Variants in STK24 observed in about 807,000 individuals in gnomAD.
STK24 encodes serine/threonine kinase 24, also known as serine/threonine-protein kinase 24.
In STK24, 21 loss-of-function variants were observed where a neutral mutation model predicts 55.6. The observed-to-expected ratio is 0.38, with a 90% CI of 0.27 to 0.54. The LOEUF is 0.54. Ranked by LOEUF, STK24 falls within the 20% of genes least tolerant of loss-of-function variation. STK24 has a pLI of 0.79. For missense variants in STK24, 383 were observed against 538.4 expected (o/e 0.71, Z 2.86); for synonymous variants, 200 against 215.2 (o/e 0.93, Z 0.62).
intron 2 of STK24, among the ~76,000 whole-genome samples, chr13:98,487,390 G>A (rs371595761): frequency 3.2e-4 from 49 of 152,236 alleles, no homozygotes; most frequent in African/African-American, 1.2e-3. Context: ...TTTCTCATCA[G>A]GGAAATAAAA....
At chr13:98,527,046 A>C (rs1024134808) in intron 1 of STK24, among the ~76,000 whole-genome samples, 3 of 152,250 alleles carry the variant, frequency 2.0e-5, no homozygotes, top group African/African-American at 7.2e-5. Context: ...ACTCGGAAGT[A>C]GAAATTTGTT....
At position 98,573,612 on chromosome 13, in the gene STK24, T is replaced by C. The variant is rs143354407; in HGVS notation, c.42+3133A>G. Among the ~76,000 whole-genome samples, 358 of 152,358 alleles carry C rather than the reference T, an allele frequency of 2.3e-3. 3 individuals carry two copies. The highest frequency in any genetic ancestry group is 8.2e-3 in the African/African-American group (341 of 41,584). On this transcript the variant is annotated intron_variant, in intron 1 of 10. Transcript: ENST00000539966. ...AACCCCTCCCCTAGGACCTGGCACATGAAAGTTCAATAAGGGTTGCTGATT... is the reference window on the plus strand; with the variant it reads ...AACCCCTCCCCTAGGACCTGGCACACGAAAGTTCAATAAGGGTTGCTGATT...
intron 1 of STK24, among the ~76,000 whole-genome samples, chr13:98,538,771 C>T (rs1221986727): frequency 2.0e-5 from 3 of 152,158 alleles, no homozygotes; most frequent in African/African-American, 7.2e-5. Context: ...GCCCACCTGC[C>T]GCCTGACCTC....
At chr13:98,471,809 C>T (rs963793234) in intron 5 of STK24, among the ~76,000 whole-genome samples, 56 of 152,310 alleles carry the variant, frequency 3.7e-4, no homozygotes, top group African/African-American at 1.3e-3. Flanking sequence ...CTTCTCCCAA[C>T]CCACCCTTCC....
intron 2 of STK24, among the ~76,000 whole-genome samples, chr13:98,515,100 T>TG (rs559801714): frequency 0.024 from 2,097 of 87,550 alleles, 63 homozygotes; most frequent in African/African-American, 0.085. Context: ...ACAAACCCCC[T>TG]GAAAAAAAAA....
rs1471231082 is a variant in STK24, at chr13:98,450,958, G to C, written c.*2215C>G. 6.6e-6 allele frequency: 1 copy of C among 152,228 alleles called. No individual in the cohort carries two copies. Among genetic ancestry groups the C allele is most frequent in the Non-Finnish European group, 1.5e-5 (1 of 68,086 alleles). 9.4% of individuals were successfully genotyped at this position (152,228 alleles called of 1,614,324 possible). A position where few individuals can be genotyped will look rare whatever the true frequency, so the allele number is the denominator to read the frequency against. On this transcript the variant is annotated 3_prime_UTR_variant, in exon 11 of 11. Transcript: ENST00000539966. ...AACCCCACCTCCCCCGACAGGAAAT[G>C]CTGCCAGTCAACTCTAAAAGAACCA... is the stretch of plus-strand genomic sequence containing the variant.
chr13:98,469,096 T>G (rs970595477), intron 5 of STK24, among the ~76,000 whole-genome samples: 21 of 152,178 alleles, frequency 1.4e-4, no homozygotes, highest in African/African-American at 5.1e-4. Flanking sequence ...GGACAGATAA[T>G]AAGCAGGCGG....
In STK24 at chr13:98,546,503, G is replaced by A. The variant is rs185955916; in HGVS notation, c.43-27030C>T. On this transcript the variant is annotated intron_variant, in intron 1 of 10. Coordinates refer to ENST00000539966, the MANE Select transcript of STK24 (RefSeq NM_001032296.4). ...GACCAGATTTTGCCAAGAATATGGT[G>A]AACAGGGACTTCCTTCAGTCCCCTG... is the stretch of plus-strand genomic sequence containing the variant. Among the ~76,000 whole-genome samples the A allele has an allele frequency of 7.9e-5, 12 of 152,288 alleles. No homozygotes were observed. The East Asian group carries it at 9.6e-4, about 12-fold the overall frequency.
intron 2 of STK24, among the ~76,000 whole-genome samples, chr13:98,494,286 T>TG (rs1350723991): frequency 6.8e-6 from 1 of 147,700 alleles, no homozygotes; most frequent in Non-Finnish European, 1.5e-5. Context: ...GGCGGGCACC[T>TG]GTAGTCCCAG....
chr13:98,540,416 C>G (rs1212480406), intron 1 of STK24, among the ~76,000 whole-genome samples: 2 of 152,140 alleles, frequency 1.3e-5, no homozygotes, highest in East Asian at 1.9e-4. Context: ...AGACTTCTGT[C>G]TCTCACAAAT....
chr13:98,499,990 G>C (rs1406051598), intron 2 of STK24, among the ~76,000 whole-genome samples: 3 of 152,188 alleles, frequency 2.0e-5, no homozygotes, highest in African/African-American at 7.2e-5. Context: ...ACCTACTGCA[G>C]GGTTCAGCTC....
chr13:98,566,694 C>T (rs1339228365), intron 1 of STK24, among the ~76,000 whole-genome samples: 1 of 152,234 alleles, frequency 6.6e-6, no homozygotes, highest in Non-Finnish European at 1.5e-5. Flanking sequence ...AGCCATGCCA[C>T]AGGCTCAGTC....
At chr13:98,541,314 GAAA>G (rs1896884349) in intron 1 of STK24, among the ~76,000 whole-genome samples, 1 of 152,160 alleles carries the variant, frequency 6.6e-6, no homozygotes, top group African/African-American at 2.4e-5. Context: ...TTGGGCCCGA[GAAA>G]TAGCAGCCTG....
intron 1 of STK24, among the ~76,000 whole-genome samples, chr13:98,560,373 T>C (rs1032836611): frequency 1.1e-4 from 16 of 152,228 alleles, no homozygotes; most frequent in African/African-American, 3.4e-4. Context: ...AGTATGATTA[T>C]GCTGAAAAGC....
chr13:98,474,198 G>C (rs1894274275), intron 5 of STK24, among the ~76,000 whole-genome samples: 1 of 152,190 alleles, frequency 6.6e-6, no homozygotes, highest in Non-Finnish European at 1.5e-5. Context: ...GAAAAATTAG[G>C]AGAGTGTCCC....
chr13:98,565,321 T>C (rs555272814), intron 1 of STK24, among the ~76,000 whole-genome samples: 2 of 151,758 alleles, frequency 1.3e-5, no homozygotes, highest in Admixed American at 1.3e-4. Context: ...CAGGTGACAC[T>C]GAGTGGCCTT....
intron 1 of STK24, among the ~76,000 whole-genome samples, chr13:98,571,811 A>G (rs1343431850): frequency 6.6e-6 from 1 of 152,136 alleles, no homozygotes; most frequent in Non-Finnish European, 1.5e-5. Context: ...AGTGAATGCT[A>G]AAAAAATCCA....
chr13:98,512,456 G>A lies in STK24; in HGVS notation c.273+6787C>T, dbSNP rs75464820. On this transcript the variant is annotated intron_variant, in intron 2 of 10. Coordinates refer to ENST00000539966, the MANE Select transcript of STK24 (RefSeq NM_001032296.4). The stretch of plus-strand genomic sequence containing the variant: ...AACAGGTCATTTTATTGGCTAGAAA[G>A]GAGTCCAAAGCTCAAAGAGGCTACT... Among the ~76,000 whole-genome samples, 903 of 152,062 alleles carry A rather than the reference G, an allele frequency of 5.9e-3. 5 individuals carry two copies. The highest frequency in any genetic ancestry group is 0.021 in the African/African-American group (854 of 41,468).
At chr13:98,512,533 C>CAA (rs1263823524) in intron 2 of STK24, among the ~76,000 whole-genome samples, 2 of 146,546 alleles carry the variant, frequency 1.4e-5, no homozygotes, top group Admixed American at 1.4e-4. Flanking sequence ...TACCGAGAAA[C>CAA]AAAAACAAAA....
Sources: allele counts gnomAD v4.1 joint callset (sites outside exome capture counted in the v4.1 genomes callset), GRCh38; gene constraint gnomAD v4.1.1; transcripts MANE v1.5; gene names NCBI Gene and HGNC (gene_info 2026-07-23, HGNC 2026-07-21).